SP140: variants seen among roughly 807,000 people sequenced by gnomAD.
SP140 encodes the protein nuclear body protein SP140.
SP140 carries 81 observed loss-of-function variants against 125.0 expected under a neutral mutation model. The observed-to-expected ratio is 0.65, with a 90% CI of 0.54 to 0.78. The LOEUF (loss-of-function observed/expected upper bound fraction) is 0.78, where lower values mean the gene tolerates loss of function less well. Among genes scored for constraint, SP140 ranks in the 30% least tolerant of loss-of-function variants. SP140 has a pLI of 0.00. For synonymous variants in SP140, 312 were observed against 354.0 expected, an observed-to-expected ratio of 0.88 and a Z score of 1.33; for missense variants, 858 against 1,037.0, an observed-to-expected ratio of 0.83 and a Z score of 2.37.
chr2:230,247,864 A>C, intron 7 of SP140, 52 bp from the exon 8 acceptor site: 1 of 1,579,518 alleles, frequency 6.3e-7, no homozygotes, highest in Non-Finnish European at 8.6e-7. Flanking sequence ...TAATCTAGTG[A>C]AATTATATGG....
chr2:230,246,307 C>T (rs1159663527), intron 7 of SP140, among the ~76,000 whole-genome samples: 3 of 152,170 alleles, frequency 2.0e-5, no homozygotes, highest in East Asian at 1.9e-4. Context: ...TAGTTTGAAT[C>T]GTTAAATAAA....
intron 7 of SP140, among the ~76,000 whole-genome samples, chr2:230,247,663 G>A (rs987157594): frequency 1.3e-5 from 2 of 152,132 alleles, no homozygotes; most frequent in African/African-American, 4.8e-5. Context: ...GGGTCATAAG[G>A]ATTAAATCTA....
chr2:230,264,743 T>C (rs896013802), intron 12 of SP140, among the ~76,000 whole-genome samples: 1 of 152,238 alleles, frequency 6.6e-6, no homozygotes, highest in Non-Finnish European at 1.5e-5. Context: ...TGTTGTCTCT[T>C]TTCTGGGTCT....
the SP140 span, among the ~76,000 whole-genome samples, chr2:230,187,794 T>C: frequency 1.3e-5 from 2 of 152,144 alleles, no homozygotes; most frequent in Non-Finnish European, 2.9e-5. Context: ...CAAAGATCAG[T>C]TGGTTTTAAG....
intron 22 of SP140, among the ~76,000 whole-genome samples, chr2:230,304,699 A>G (rs1490884609): frequency 6.6e-6 from 1 of 152,238 alleles, no homozygotes; most frequent in Admixed American, 6.5e-5. Flanking sequence ...CATAATTGGC[A>G]AGCCACATTT....
upstream of SP140, among the ~76,000 whole-genome samples, chr2:230,225,052 G>T (rs1201769481): frequency 6.6e-6 from 1 of 152,118 alleles, no homozygotes; most frequent in Non-Finnish European, 1.5e-5. Flanking sequence ...GTATCATATT[G>T]TCCTTGAAGG....
chr2:230,224,676 T>C (rs2046120297), upstream of SP140, among the ~76,000 whole-genome samples: 2 of 152,196 alleles, frequency 1.3e-5, no homozygotes, highest in Admixed American at 1.3e-4. Flanking sequence ...TTTTGCAAAC[T>C]TATGTATGCA....
At chr2:230,194,076 G>A in the SP140 span, among the ~76,000 whole-genome samples, 1 of 152,140 alleles carries the variant, frequency 6.6e-6, no homozygotes, top group East Asian at 1.9e-4. Context: ...GGAAGTGCAA[G>A]CAGGCAGATA....
rs536887228 is a variant in SP140 at position 230,300,002 on chromosome 2, G to A, written c.2058+2540G>A. On this transcript the variant is annotated intron_variant, in intron 22 of 26. Transcript: ENST00000392045. ...TCAGACACACCTAACCCTGCCCCCA[G>A]CTGATGGTCTTTCTCTACCTGCCCC... Among the ~76,000 whole-genome samples the A allele has an allele frequency of 2.6e-5, 4 of 152,264 alleles. No individual in the cohort carries two copies. In the South Asian group the frequency reaches 8.3e-4, roughly 32 times the overall value.
In SP140 at chr2:230,215,005, T is replaced by C. The variant is rs1311849128; in HGVS notation, c.-91+931T>C. ...GATTGGGATATTCACGCAGGTTAAT[T>C]TGACTGAACAATGTCACCAGAAGAG... On this transcript the variant is annotated intron_variant, in intron 3 of 4. Transcript: ENST00000456542. 7 of 1,614,056 alleles carry C rather than the reference T, an allele frequency of 4.3e-6. No individual in the cohort carries two copies. The highest frequency in any genetic ancestry group is 5.9e-6 in the Non-Finnish European group (7 of 1,179,884).
chr2:230,312,176 T>G (rs1273453137), intron 26 of SP140, among the ~76,000 whole-genome samples: 1 of 152,262 alleles, frequency 6.6e-6, no homozygotes, highest in Admixed American at 6.5e-5. Flanking sequence ...TTTTCTGCCC[T>G]GTTAATAAGA....
chr2:230,214,837 C>T (rs2044925553), intron 3 of SP140: 1 of 874,530 alleles, frequency 1.1e-6, no homozygotes, highest in Admixed American at 1.9e-5. Flanking sequence ...GTCCATTCCA[C>T]CCCAGAGAGA....
At chr2:230,276,754 A>G (rs946486306) in intron 15 of SP140, among the ~76,000 whole-genome samples, 1 of 152,214 alleles carries the variant, frequency 6.6e-6, no homozygotes, top group Admixed American at 6.5e-5. Context: ...TTTACATGCC[A>G]TAATAACATT....
At chr2:230,232,505 C>T (rs1361785215) in intron 1 of SP140, among the ~76,000 whole-genome samples, 7 of 152,218 alleles carry the variant, frequency 4.6e-5, no homozygotes, top group Admixed American at 4.6e-4. Context: ...CGATGACTTC[C>T]AATGTCTTTG....
chr2:230,227,955 C>T (rs1251779859), intron 1 of SP140, among the ~76,000 whole-genome samples: 1 of 152,036 alleles, frequency 6.6e-6, no homozygotes. Context: ...TTGCATCAGG[C>T]TTAAATTGCT....
At chr2:230,288,988 T>C (rs759852527) in intron 18 of SP140, among the ~76,000 whole-genome samples, 21 of 152,204 alleles carry the variant, frequency 1.4e-4, no homozygotes, top group Non-Finnish European at 2.9e-4. Flanking sequence ...TATCCAGTAA[T>C]GGGACTGCTG....
intron 1 of SP140, among the ~76,000 whole-genome samples, chr2:230,210,758 T>C (rs2044381443): frequency 6.6e-6 from 1 of 152,204 alleles, no homozygotes; most frequent in Non-Finnish European, 1.5e-5. Flanking sequence ...TGCATTGAGA[T>C]TGGTCTCAAA....
intron 22 of SP140, among the ~76,000 whole-genome samples, chr2:230,300,872 G>A (rs1186936479): frequency 6.6e-6 from 1 of 152,138 alleles, no homozygotes; most frequent in Non-Finnish European, 1.5e-5. Flanking sequence ...CCAGATAAAG[G>A]TGTAAACCAA....
At chr2:230,223,557 T>C (rs1372674365), upstream of SP140, among the ~76,000 whole-genome samples, 1 of 152,232 alleles carries the variant, frequency 6.6e-6, no homozygotes, top group Non-Finnish European at 1.5e-5. Context: ...TCCCAAATCC[T>C]GACTGATAAA....
Sources: allele counts gnomAD v4.1 joint callset (sites outside exome capture counted in the v4.1 genomes callset), GRCh38; gene constraint gnomAD v4.1.1; transcripts MANE v1.5; gene names NCBI Gene and HGNC (gene_info 2026-07-23, HGNC 2026-07-21).